The following FMN1 variants were observed in gnomAD, a reference collection of about 807,000 sequenced individuals.
FMN1 encodes formin-1.
In FMN1, 110 loss-of-function variants were observed where a neutral mutation model predicts 132.4. The observed-to-expected ratio is 0.83, with a 90% confidence interval of 0.71 to 0.97. The LOEUF is 0.97. FMN1 is among the 50% of genes least tolerant of loss of function. The pLI is 0.00. For missense variants in FMN1, 1,792 were observed against 1,705.3 expected, an observed-to-expected ratio of 1.05 and a Z score of -0.90; for synonymous variants, 722 against 651.7, an observed-to-expected ratio of 1.11 and a Z score of -1.64.
At chr15:32,778,398 T>C (rs1441257959) in intron 19 of FMN1, among the ~76,000 whole-genome samples, 1 of 151,328 alleles carries the variant, frequency 6.6e-6, no homozygotes, top group Non-Finnish European at 1.5e-5. Flanking sequence ...TTTTAAATCA[T>C]ATACCTGATA....
chr15:33,108,307 G>A (rs1330069876), intron 4 of FMN1, among the ~76,000 whole-genome samples: 2 of 151,994 alleles, frequency 1.3e-5, no homozygotes, highest in African/African-American at 2.4e-5. Flanking sequence ...GATGGAGGGG[G>A]AAAAACATAA....
At position 32,791,864 on chromosome 15, in the gene FMN1, A is replaced by G. The variant is rs16958882; in HGVS notation, c.4130+6940T>C. ...ATGGAATAATTTCCAACCGAGACAT[A>G]TTGAATTGCAGATGAAGGCTGGGTA... On this transcript the variant is annotated intron_variant, in intron 19 of 20. Coordinates refer to ENST00000616417, the MANE Select transcript of FMN1 (RefSeq NM_001277313.2). Among the ~76,000 whole-genome samples the G allele has an allele frequency of 0.016, 2,432 of 152,306 alleles. 132 individuals carry two copies. The East Asian group carries it at 0.17, about 11-fold the overall frequency.
chr15:33,153,902 G>C lies in FMN1; in HGVS notation c.1013C>G (p.Ser338Cys). 1 of 1,536,822 alleles carries C rather than the reference G, an allele frequency of 6.5e-7. No individual in the cohort carries two copies. Reference sequence around the variant, plus strand: ...CGTTTTAACTACTCTTTGTACCTGGGAGGACAGGTCCTGAACTTTGGCCAC... The same window carrying C: ...CGTTTTAACTACTCTTTGTACCTGGCAGGACAGGTCCTGAACTTTGGCCAC... ...KVVAKVQDLSSQVQRVVKTHS... is the reference protein window; with the variant it reads ...KVVAKVQDLSCQVQRVVKTHS... The change falls in exon 4 of 21, where the codon TCC (serine) becomes TGC (cysteine). Residue 338 changes from serine to cysteine, a missense_variant. Ser to Cys is a moderately radical substitution (Grantham distance 112). Transcript: ENST00000616417.
At chr15:33,189,660 C>T (rs1010071705) in intron 2 of FMN1, among the ~76,000 whole-genome samples, 8 of 152,094 alleles carry the variant, frequency 5.3e-5, no homozygotes, top group African/African-American at 1.9e-4. Flanking sequence ...CATTGAGAGC[C>T]GGCCCCGTAA....
intron 4 of FMN1, among the ~76,000 whole-genome samples, chr15:33,145,730 C>T (rs189721186): frequency 5.3e-5 from 8 of 151,526 alleles, no homozygotes; most frequent in African/African-American, 1.7e-4. Flanking sequence ...ATTATCCAGA[C>T]ATGCCCAGAC....
At chr15:32,840,507 C>A (rs1441424964) in intron 17 of FMN1, among the ~76,000 whole-genome samples, 1 of 152,182 alleles carries the variant, frequency 6.6e-6, no homozygotes, top group Non-Finnish European at 1.5e-5. Context: ...TAACTGCGTA[C>A]AAATGACTAA....
intron 9 of FMN1, among the ~76,000 whole-genome samples, chr15:32,948,967 T>C (rs1034412855): frequency 6.6e-6 from 1 of 152,098 alleles, no homozygotes; most frequent in Admixed American, 6.6e-5. Context: ...TTGATTTTTT[T>C]GTATTTTTCT....
chr15:32,973,757 G>C (rs1409316296), intron 7 of FMN1, among the ~76,000 whole-genome samples: 2 of 152,076 alleles, frequency 1.3e-5, no homozygotes, highest in Non-Finnish European at 2.9e-5. Context: ...TTCAAATTGT[G>C]TCTGACTCTA....
rs752742684 is a variant in FMN1, at chr15:32,888,257, C to T, written c.3750G>A (p.Pro1250=). 48 of 1,612,576 alleles carry T rather than the reference C, an allele frequency of 3.0e-5. No homozygotes were observed. The highest frequency in any genetic ancestry group is 1.2e-4 in the Admixed American group (7 of 59,884). The part of the protein sequence containing the change: ...AGTEKSVFPL[P]EPQDFFLASQ... ...AGGCCAGAAAGAAATCCTGTGGTTCCGGCAAGGGGAAAACACTCTTTTCTG... is the reference window on the plus strand; with the variant it reads ...AGGCCAGAAAGAAATCCTGTGGTTCTGGCAAGGGGAAAACACTCTTTTCTG... The change falls in exon 16 of 21, where the codon CCG becomes CCA. Residue 1250 remains proline, a synonymous_variant. Transcript: ENST00000616417.
intron 4 of FMN1, among the ~76,000 whole-genome samples, chr15:33,130,632 T>TA (rs1963502034): frequency 6.6e-6 from 1 of 152,176 alleles, no homozygotes; most frequent in Non-Finnish European, 1.5e-5. Context: ...CCCAAATCAT[T>TA]AAGTGATAAT....
At chr15:32,979,555 CAAAAAAAAAAA>C (rs66993265) in intron 7 of FMN1, among the ~76,000 whole-genome samples, 1 of 57,448 alleles carries the variant, frequency 1.7e-5, no homozygotes, top group East Asian at 5.2e-4. Flanking sequence ...GACTCTGTCT[CAAAAAAAAAAA>C]AAAAAAAAAA....
At chr15:33,128,019 A>G (rs562973768) in intron 4 of FMN1, among the ~76,000 whole-genome samples, 2 of 152,190 alleles carry the variant, frequency 1.3e-5, no homozygotes, top group Non-Finnish European at 2.9e-5. Flanking sequence ...TAGACAAATC[A>G]TAGCAGAATG....
chr15:33,080,030 A>G (rs1305715720), intron 5 of FMN1, among the ~76,000 whole-genome samples: 2 of 152,192 alleles, frequency 1.3e-5, no homozygotes, highest in African/African-American at 4.8e-5. Context: ...TACTCACAAC[A>G]TACACAAATG....
intron 5 of FMN1, among the ~76,000 whole-genome samples, chr15:33,069,147 A>C (rs2037884808): frequency 6.6e-6 from 1 of 152,246 alleles, no homozygotes; most frequent in African/African-American, 2.4e-5. Context: ...CCTCAACAAA[A>C]ACAGGACAGA....
chr15:32,930,379 T>C (rs188655001), intron 9 of FMN1, among the ~76,000 whole-genome samples: 3 of 152,128 alleles, frequency 2.0e-5, no homozygotes, highest in Admixed American at 2.0e-4. Context: ...TCCCACTTTG[T>C]CTACATCCTC....
intron 5 of FMN1, 82 bp downstream of exon 5, chr15:33,088,717 C>T: frequency 8.2e-7 from 1 of 1,218,892 alleles, no homozygotes; most frequent in Non-Finnish European, 1.1e-6. Context: ...GCTTTATATA[C>T]ACAATTTACA....
At chr15:32,890,370 C>T (rs2059998011) in intron 15 of FMN1, among the ~76,000 whole-genome samples, 1 of 152,212 alleles carries the variant, frequency 6.6e-6, no homozygotes. Context: ...ACTGACTGTA[C>T]AAGTTTACAT....
chr15:33,098,153 T>C lies in FMN1; in HGVS notation c.1868-9179A>G, dbSNP rs116333337. Reference sequence around the variant, plus strand: ...AGACCATACACTTCAAAATAACTCATAGGTCAAAGAAGAATCACAAAGGAA... The same window carrying C: ...AGACCATACACTTCAAAATAACTCACAGGTCAAAGAAGAATCACAAAGGAA... On this transcript the variant is annotated intron_variant, in intron 4 of 20. Transcript: ENST00000616417. Among the ~76,000 whole-genome samples the C allele has an allele frequency of 2.0e-3, 312 of 152,268 alleles. 2 individuals carry two copies. The highest frequency in any genetic ancestry group is 6.8e-3 in the African/African-American group (282 of 41,564).
rs2061607475 is a variant in FMN1, at chr15:32,950,028, TATATACACATATATATATATATACAC to T, written c.3138+14053_3138+14078del. ...ACATATATATATACACATATATATA[TATATACACATATATATATATATACAC>T]ATATATATATATATATATATATATA... On this transcript the variant is annotated intron_variant, in intron 9 of 20. Coordinates refer to ENST00000616417, the MANE Select transcript of FMN1 (RefSeq NM_001277313.2). Among the ~76,000 whole-genome samples the T allele has an allele frequency of 3.2e-4, 2 of 6,346 alleles. 1 individual carries two copies. The allele number at this position is 6,346 out of a possible 152,430, so 4.2% of individuals were successfully genotyped here.
Sources: allele counts gnomAD v4.1 joint callset (sites outside exome capture counted in the v4.1 genomes callset), GRCh38; gene constraint gnomAD v4.1.1; transcripts MANE v1.5; gene names NCBI Gene and HGNC (gene_info 2026-07-23, HGNC 2026-07-21).